Variants in GGNBP2 observed in about 807,000 individuals in gnomAD.
GGNBP2 encodes the protein gametogenetin binding protein 2, also known as gametogenetin-binding protein 2.
A neutral mutation model predicts 85.9 loss-of-function variants in GGNBP2; 10 were observed. That is an observed-to-expected ratio of 0.12 (90% CI 0.07 to 0.20). The LOEUF is 0.20. Among genes scored for constraint, GGNBP2 ranks in the 10% least tolerant of loss-of-function variants. The pLI, the probability that GGNBP2 is intolerant of heterozygous loss-of-function variation, is 1.00. For missense variants in GGNBP2, 595 were observed against 857.8 expected (o/e 0.69, Z 3.83); for synonymous variants, 287 against 285.7 (o/e 1.00, Z -0.05).
chr17:36,545,890 C>A, intron 2 of GGNBP2, 73 bp downstream of exon 2: 2 of 1,064,198 alleles, frequency 1.9e-6, no homozygotes. Flanking sequence ...TCCCCCAGGC[C>A]GAGCGCTGCG....
At chr17:36,552,929 G>A (rs1393213334) in intron 2 of GGNBP2, among the ~76,000 whole-genome samples, 1 of 150,880 alleles carries the variant, frequency 6.6e-6, no homozygotes, top group Non-Finnish European at 1.5e-5. Flanking sequence ...GGCTGAGGCA[G>A]GAGAATTGGT....
At chr17:36,548,392 A>G (rs541571196) in intron 2 of GGNBP2, among the ~76,000 whole-genome samples, 31 of 151,972 alleles carry the variant, frequency 2.0e-4, no homozygotes, top group African/African-American at 7.0e-4. Context: ...AGGCAGGTGG[A>G]TTACTGGAGG....
chr17:36,566,151 G>T (rs973279838), intron 5 of GGNBP2, among the ~76,000 whole-genome samples: 1 of 152,172 alleles, frequency 6.6e-6, no homozygotes, highest in Admixed American at 6.5e-5. Flanking sequence ...TCCTTGGACT[G>T]TACTGAGACC....
chr17:36,583,354 A>T (rs2074670349), intron 9 of GGNBP2, among the ~76,000 whole-genome samples: 1 of 151,620 alleles, frequency 6.6e-6, no homozygotes, highest in Admixed American at 6.6e-5. Context: ...GCCTGACGGA[A>T]TATACTAGAT....
chr17:36,574,271 A>G (rs1454558889), intron 6 of GGNBP2, among the ~76,000 whole-genome samples: 1 of 152,192 alleles, frequency 6.6e-6, no homozygotes, highest in African/African-American at 2.4e-5. Flanking sequence ...TTGGTTTTCC[A>G]TGTGAAAAAA....
chr17:36,545,957 C>G (rs530338361), intron 2 of GGNBP2, 140 bp downstream of exon 2: 1 of 617,420 alleles, frequency 1.6e-6, no homozygotes, highest in Admixed American at 3.0e-5. Context: ...CAGCAGGCCC[C>G]ACAAACTCGC....
In GGNBP2 at chr17:36,566,946, G is replaced by T. The variant is rs539276327; in HGVS notation, c.528-717G>T. Among the ~76,000 whole-genome samples the T allele has an allele frequency of 3.2e-3, 485 of 152,084 alleles. 3 individuals are homozygous for T. The highest frequency in any genetic ancestry group is 0.01 in the Admixed American group (154 of 15,262). On this transcript the variant is annotated intron_variant, in intron 5 of 13. Coordinates refer to ENST00000613102, the MANE Select transcript of GGNBP2 (RefSeq NM_024835.5). ...TTTGGGAGGCTGAGGTGGGAGAATG[G>T]CTTGAGGTCAGGGGTTTGAGGCCAG...
intron 6 of GGNBP2, among the ~76,000 whole-genome samples, chr17:36,570,826 G>C (rs2074516370): frequency 6.6e-6 from 1 of 152,130 alleles, no homozygotes; most frequent in Non-Finnish European, 1.5e-5. Flanking sequence ...TTTGAGACCA[G>C]CCTGGCCAAC....
intron 6 of GGNBP2, among the ~76,000 whole-genome samples, chr17:36,572,078 A>G (rs1251956574): frequency 1.3e-5 from 2 of 151,918 alleles, no homozygotes; most frequent in Non-Finnish European, 2.9e-5. Context: ...AAAAAGTCAT[A>G]TGCAATGCTG....
Position 36,545,710 on chromosome 17 carries a change from G to T in GGNBP2, c.-15G>T. ...GGAGGAGGTGGTGACGGTGGCAACG[G>T]CAGCGTCGGGGACGATGGCGCGACT... On this transcript the variant is annotated 5_prime_UTR_variant, in exon 2 of 14. Coordinates refer to ENST00000613102, the MANE Select transcript of GGNBP2 (RefSeq NM_024835.5). 1.3e-6 allele frequency: 2 copies of T among 1,558,368 alleles called. No individual in the cohort carries two copies. The highest frequency in any genetic ancestry group is 1.7e-6 in the Non-Finnish European group (2 of 1,150,366).
intron 5 of GGNBP2, among the ~76,000 whole-genome samples, chr17:36,565,205 T>G (rs934300067): frequency 6.6e-6 from 1 of 152,248 alleles, no homozygotes; most frequent in East Asian, 1.9e-4. Context: ...AATGAGATAA[T>G]TGGTGATCTT....
intron 2 of GGNBP2, chr17:36,547,609 A>G (rs1005563042): frequency 1.3e-5 from 2 of 152,256 alleles, no homozygotes; most frequent in Non-Finnish European, 2.9e-5. Context: ...TGACTTTCCA[A>G]AATTTTCCAC....
chr17:36,546,709 T>G (rs2074258692), intron 2 of GGNBP2: 1 of 152,244 alleles, frequency 6.6e-6, no homozygotes, highest in Non-Finnish European at 1.5e-5. Context: ...TCTTTTGAAA[T>G]CTGCGTTTTG....
intron 6 of GGNBP2, 122 bp from the exon 7 acceptor site, chr17:36,577,861 G>T (rs2074607394): frequency 1.3e-6 from 1 of 755,576 alleles, no homozygotes; most frequent in South Asian, 1.4e-5. Context: ...TTAAATGTGT[G>T]TATGGAGGCT....
chr17:36,572,192 A>G (rs1002725234), intron 6 of GGNBP2, among the ~76,000 whole-genome samples: 2 of 152,232 alleles, frequency 1.3e-5, no homozygotes, highest in Non-Finnish European at 2.9e-5. Flanking sequence ...TTAAACTACT[A>G]TGAGAGTATA....
intron 7 of GGNBP2, chr17:36,578,725 T>A (rs1167463155): frequency 6.4e-6 from 1 of 155,166 alleles, no homozygotes; most frequent in Non-Finnish European, 1.4e-5. Flanking sequence ...CTTTTGTATT[T>A]AGGGTATCAA....
intron 5 of GGNBP2, among the ~76,000 whole-genome samples, chr17:36,566,307 A>T (rs1226592331): frequency 6.6e-6 from 1 of 152,232 alleles, no homozygotes; most frequent in East Asian, 1.9e-4. Flanking sequence ...GGCAATTTTC[A>T]TACTGAAGTT....
At chr17:36,588,604 A>T (rs28647740) in intron 13 of GGNBP2, among the ~76,000 whole-genome samples, 55,453 of 144,728 alleles carry the variant, frequency 0.38, 10,741 homozygotes, top group Middle Eastern at 0.49. Flanking sequence ...ATATTTATTT[A>T]TTTTTTTTTT....
At chr17:36,546,758 G>A (rs576984569) in intron 2 of GGNBP2, 2 of 152,254 alleles carry the variant, frequency 1.3e-5, no homozygotes, top group South Asian at 2.1e-4. Context: ...TGCTTATTTC[G>A]ATAAGGTGCA....
Sources: gnomAD v4.1 joint callset for allele counts (sites outside exome capture counted in the v4.1 genomes callset) on GRCh38, gnomAD v4.1.1 for gene constraint, MANE v1.5 for transcripts, NCBI Gene and HGNC (gene_info 2026-07-23, HGNC 2026-07-21) for gene names.